The following PDE1A variants were observed in gnomAD, a reference collection of about 807,000 sequenced individuals.
PDE1A encodes the protein dual specificity calcium/calmodulin-dependent 3',5'-cyclic nucleotide phosphodiesterase 1A.
A neutral mutation model predicts 61.7 loss-of-function variants in PDE1A; 35 were observed. The observed-to-expected ratio is 0.57, with a 90% CI of 0.43 to 0.75. PDE1A has a LOEUF of 0.75. PDE1A is among the 30% of genes least tolerant of loss of function. The pLI, the probability that PDE1A is intolerant of heterozygous loss-of-function variation, is 0.00. For missense variants in PDE1A, 597 were observed against 630.6 expected (o/e 0.95, Z 0.57); for synonymous variants, 232 against 213.2 (o/e 1.09, Z -0.77).
intron 2 of PDE1A, among the ~76,000 whole-genome samples, chr2:182,434,763 G>T (rs750507098): frequency 2.0e-4 from 30 of 151,652 alleles, no homozygotes; most frequent in Non-Finnish European, 3.2e-4. Flanking sequence ...TTCTACCTCA[G>T]GGGAAAATTT....
At chr2:182,670,980 G>A in the PDE1A span, among the ~76,000 whole-genome samples, 1 of 151,894 alleles carries the variant, frequency 6.6e-6, no homozygotes, top group Non-Finnish European at 1.5e-5. Context: ...ACCAAGCCTA[G>A]CTAATTTTTG....
intron 2 of PDE1A, among the ~76,000 whole-genome samples, chr2:182,493,525 T>C (rs1331359297): frequency 6.6e-6 from 1 of 152,144 alleles, no homozygotes; most frequent in Non-Finnish European, 1.5e-5. Context: ...AGTGAGAACA[T>C]GCAGTGTTAG....
chr2:182,222,470 T>C (rs929191940), intron 7 of PDE1A, among the ~76,000 whole-genome samples: 1 of 151,984 alleles, frequency 6.6e-6, no homozygotes, highest in Non-Finnish European at 1.5e-5. Flanking sequence ...CAATGGTAGA[T>C]ACATGACATT....
chr2:182,344,278 G>A (rs1359835818), intron 1 of PDE1A, among the ~76,000 whole-genome samples: 4 of 151,946 alleles, frequency 2.6e-5, no homozygotes, highest in Non-Finnish European at 5.9e-5. Flanking sequence ...TTATTCATAT[G>A]CAATGAAATA....
chr2:182,141,453 C>T (rs1018755967), exon 15 of PDE1A: 1 of 152,128 alleles, frequency 6.6e-6, no homozygotes, highest in African/African-American at 2.4e-5. Flanking sequence ...AGATCAATTA[C>T]CTCATAATGT....
chr2:182,174,262 T>C (rs1169872697), intron 13 of PDE1A, among the ~76,000 whole-genome samples: 3 of 152,094 alleles, frequency 2.0e-5, no homozygotes, highest in Non-Finnish European at 4.4e-5. Flanking sequence ...AATCAGAGCT[T>C]GGGAATGGAG....
chr2:182,341,501 C>T (rs779980586), intron 1 of PDE1A, among the ~76,000 whole-genome samples: 3 of 152,144 alleles, frequency 2.0e-5, no homozygotes. Context: ...TCCAATCTAC[C>T]TCATAGTTCC....
chr2:182,547,372 GA>G, the PDE1A span, among the ~76,000 whole-genome samples: 2 of 152,134 alleles, frequency 1.3e-5, no homozygotes, highest in South Asian at 4.2e-4. Context: ...GAATTCTTAG[GA>G]AACCAACCAA....
intron 1 of PDE1A, among the ~76,000 whole-genome samples, chr2:182,314,967 C>T (rs1696241816): frequency 6.6e-6 from 1 of 152,040 alleles, no homozygotes; most frequent in African/African-American, 2.4e-5. Flanking sequence ...CATATCAAAA[C>T]AAAACTGTGT....
intron 1 of PDE1A, among the ~76,000 whole-genome samples, chr2:182,354,489 C>G (rs1224021003): frequency 6.6e-6 from 1 of 152,148 alleles, no homozygotes; most frequent in Non-Finnish European, 1.5e-5. Context: ...CATCTGGATG[C>G]AAGTCAATCA....
chr2:182,443,247 T>TA (rs1335030096), intron 2 of PDE1A, among the ~76,000 whole-genome samples: 1 of 151,908 alleles, frequency 6.6e-6, no homozygotes. Flanking sequence ...CCCATTTGCT[T>TA]AAAAATCTTT....
At chr2:182,477,723 C>A (rs1269834899) in intron 2 of PDE1A, among the ~76,000 whole-genome samples, 1 of 151,842 alleles carries the variant, frequency 6.6e-6, no homozygotes, top group African/African-American at 2.4e-5. Flanking sequence ...CTCCATTTTG[C>A]GAATAAGAAA....
At chr2:182,296,754 T>A (rs1694912037) in intron 1 of PDE1A, among the ~76,000 whole-genome samples, 1 of 152,208 alleles carries the variant, frequency 6.6e-6, no homozygotes, top group Non-Finnish European at 1.5e-5. Context: ...GCTGTGAGTG[T>A]TTCCCAATTA....
chr2:182,233,783 AC>A (rs1273527545), intron 4 of PDE1A, among the ~76,000 whole-genome samples: 1 of 59,978 alleles, frequency 1.7e-5, no homozygotes, highest in East Asian at 1.1e-3. Flanking sequence ...CACCACACAC[AC>A]ACACACACAC....
At chr2:182,654,161 T>A in the PDE1A span, among the ~76,000 whole-genome samples, 1 of 152,196 alleles carries the variant, frequency 6.6e-6, no homozygotes, top group Non-Finnish European at 1.5e-5. Context: ...ATTTGTTAGA[T>A]CAATACCAAG....
chr2:182,334,956 T>C (rs976440037), intron 1 of PDE1A, among the ~76,000 whole-genome samples: 1 of 152,014 alleles, frequency 6.6e-6, no homozygotes, highest in Admixed American at 6.5e-5. Flanking sequence ...ATGTGCAAAA[T>C]TCACAAGCAT....
the PDE1A span, among the ~76,000 whole-genome samples, chr2:182,654,071 T>C: frequency 6.6e-6 from 1 of 152,124 alleles, no homozygotes; most frequent in Non-Finnish European, 1.5e-5. Flanking sequence ...CTGTGGAAAA[T>C]AGTGACTGTA....
intron 13 of PDE1A, among the ~76,000 whole-genome samples, chr2:182,176,474 TG>T (rs1160576253): frequency 1.4e-5 from 2 of 140,906 alleles, no homozygotes; most frequent in Non-Finnish European, 3.0e-5. Flanking sequence ...ACTCATGATT[TG>T]GCTCTCTGTT....
At chr2:182,206,538 C>T (rs183148759) in intron 7 of PDE1A, among the ~76,000 whole-genome samples, 114 of 152,266 alleles carry the variant, frequency 7.5e-4, no homozygotes, top group Admixed American at 3.9e-3. Context: ...GCCCCAAATC[C>T]CTCTGTGCTC....
Sources: allele counts gnomAD v4.1 joint callset (sites outside exome capture counted in the v4.1 genomes callset), GRCh38; gene constraint gnomAD v4.1.1; transcripts MANE v1.5; gene names NCBI Gene and HGNC (gene_info 2026-07-23, HGNC 2026-07-21).